Variants in SLC1A2 observed in about 807,000 individuals in gnomAD.
SLC1A2 encodes the protein excitatory amino acid transporter 2.
Under a neutral mutation model 48.8 loss-of-function variants are expected in SLC1A2, and 15 were observed. The ratio of observed to expected loss-of-function variants is 0.31; its 90% CI spans 0.21 to 0.47. The LOEUF (loss-of-function observed/expected upper bound fraction) is 0.47. Among genes scored for constraint, SLC1A2 ranks in the 20% least tolerant of loss-of-function variants. The pLI, the probability that SLC1A2 is intolerant of heterozygous loss-of-function variation, is 0.99. For synonymous variants in SLC1A2, 279 were observed against 272.6 expected (o/e 1.02, Z -0.23); for missense variants, 502 against 730.5 (o/e 0.69, Z 3.61).
intron 7 of SLC1A2, among the ~76,000 whole-genome samples, chr11:35,288,510 C>T (rs1389859964): frequency 6.6e-6 from 1 of 152,190 alleles, no homozygotes; most frequent in Admixed American, 6.6e-5. Flanking sequence ...GTTGCCAGGA[C>T]ACCAGGACTG....
chr11:35,293,678 A>G (rs973805610), intron 6 of SLC1A2, among the ~76,000 whole-genome samples: 1 of 152,200 alleles, frequency 6.6e-6, no homozygotes, highest in African/African-American at 2.4e-5. Flanking sequence ...TATGGGGAGA[A>G]TGAAGTCCCT....
intron 1 of SLC1A2, among the ~76,000 whole-genome samples, chr11:35,321,829 T>C (rs563792594): frequency 7.2e-5 from 11 of 152,150 alleles, no homozygotes; most frequent in African/African-American, 1.9e-4. Context: ...TTACTAATAT[T>C]CCCTTCCTAT....
intron 8 of SLC1A2, chr11:35,286,244 T>C (rs1850815656): frequency 6.6e-6 from 1 of 152,350 alleles, no homozygotes; most frequent in Admixed American, 6.5e-5. Context: ...TATGTCATAT[T>C]GAGGAATCTC....
intron 1 of SLC1A2, among the ~76,000 whole-genome samples, chr11:35,377,264 T>C (rs559762831): frequency 6.6e-6 from 1 of 152,358 alleles, no homozygotes; most frequent in East Asian, 1.9e-4. Flanking sequence ...GGATAGAGAA[T>C]GGAAACCACG....
chr11:35,285,424 T>A (rs1476972054), intron 8 of SLC1A2: 1 of 152,264 alleles, frequency 6.6e-6, no homozygotes, highest in African/African-American at 2.4e-5. Context: ...TCATGGAGGA[T>A]GAAAGTGTAT....
At chr11:35,308,061 G>A (rs1407138276) in intron 4 of SLC1A2, among the ~76,000 whole-genome samples, 1 of 152,304 alleles carries the variant, frequency 6.6e-6, no homozygotes, top group South Asian at 2.1e-4. Context: ...GGGAACCAAA[G>A]CCAACTGTCA....
At chr11:35,289,177 G>T (rs1217905959) in intron 7 of SLC1A2, among the ~76,000 whole-genome samples, 1 of 152,182 alleles carries the variant, frequency 6.6e-6, no homozygotes, top group East Asian at 1.9e-4. Context: ...CACTCCCTCT[G>T]TCCTCCCTGA....
intron 7 of SLC1A2, among the ~76,000 whole-genome samples, chr11:35,289,024 C>A (rs984560842): frequency 1.3e-5 from 2 of 152,184 alleles, no homozygotes; most frequent in African/African-American, 4.8e-5. Context: ...TTGGTTCCTG[C>A]CTCAATGGCC....
intron 1 of SLC1A2, among the ~76,000 whole-genome samples, chr11:35,373,929 A>G (rs897252644): frequency 3.9e-5 from 6 of 152,350 alleles, no homozygotes; most frequent in Non-Finnish European, 7.3e-5. Flanking sequence ...TGTAGTACCT[A>G]AGAACGTCGG....
chr11:35,360,068 C>G (rs944282298), intron 1 of SLC1A2: 9 of 985,172 alleles, frequency 9.1e-6, no homozygotes, highest in Non-Finnish European at 1.1e-5. Flanking sequence ...GCTCCAGGAA[C>G]GTGCTGGTCA....
chr11:35,356,417 T>C (rs943606231), intron 1 of SLC1A2, among the ~76,000 whole-genome samples: 3 of 152,228 alleles, frequency 2.0e-5, no homozygotes, highest in Admixed American at 2.0e-4. Context: ...TGGGCACCTC[T>C]GGCCATGCGT....
chr11:35,294,328 G>A (rs1464573084), intron 6 of SLC1A2, among the ~76,000 whole-genome samples: 5 of 152,084 alleles, frequency 3.3e-5, no homozygotes, highest in African/African-American at 4.8e-5. Context: ...TTTCCTTTCC[G>A]TGGGGTGCAG....
intron 7 of SLC1A2, among the ~76,000 whole-genome samples, chr11:35,288,296 A>G (rs575467250): frequency 3.1e-4 from 47 of 152,304 alleles, no homozygotes; most frequent in African/African-American, 1.1e-3. Context: ...GGTCTGTCTC[A>G]TGCCTCCTTC....
chr11:35,382,127 A>C (rs972635624), intron 1 of SLC1A2, among the ~76,000 whole-genome samples: 1 of 152,222 alleles, frequency 6.6e-6, no homozygotes, highest in African/African-American at 2.4e-5. Context: ...AGAAACTAAG[A>C]AATGAAATCA....
At chr11:35,379,268 G>A (rs1043634102) in intron 1 of SLC1A2, among the ~76,000 whole-genome samples, 53 of 152,118 alleles carry the variant, frequency 3.5e-4, no homozygotes, top group African/African-American at 1.0e-3. Context: ...GGCAGTGCCC[G>A]GCACATAGGA....
chr11:35,299,271 G>A (rs751987714), intron 6 of SLC1A2: 15 of 152,258 alleles, frequency 9.9e-5, no homozygotes, highest in Non-Finnish European at 1.8e-4. Context: ...CCCGGGAGGC[G>A]GAGGTTGCAG....
chr11:35,346,461 C>A (rs2135059635), intron 1 of SLC1A2, among the ~76,000 whole-genome samples: 1 of 152,318 alleles, frequency 6.6e-6, no homozygotes, highest in Non-Finnish European at 1.5e-5. Flanking sequence ...ATGTGCTGAG[C>A]ATCTGGCATA....
intron 7 of SLC1A2, chr11:35,291,942 A>G: frequency 4.8e-6 from 1 of 207,190 alleles, no homozygotes; most frequent in South Asian, 1.1e-4. Context: ...TGAAATGTTT[A>G]TTGAAAAATA....
chr11:35,348,326 C>G (rs1238594368), intron 1 of SLC1A2, among the ~76,000 whole-genome samples: 1 of 152,094 alleles, frequency 6.6e-6, no homozygotes, highest in Non-Finnish European at 1.5e-5. Flanking sequence ...TTGAAGCAGG[C>G]CAATGGACAC....
Sources: allele counts gnomAD v4.1 joint callset (sites outside exome capture counted in the v4.1 genomes callset), GRCh38; gene constraint gnomAD v4.1.1; transcripts MANE v1.5; gene names NCBI Gene and HGNC (gene_info 2026-07-23, HGNC 2026-07-21).